The following ATP2B4 variants were observed in gnomAD, a reference collection of about 807,000 sequenced individuals.
ATP2B4 encodes ATPase plasma membrane Ca2+ transporting 4, also known as plasma membrane calcium-transporting ATPase 4.
A neutral mutation model predicts 110.3 loss-of-function variants in ATP2B4; 39 were observed. The observed-to-expected ratio is 0.35, with a 90% CI of 0.27 to 0.46. The LOEUF (loss-of-function observed/expected upper bound fraction) is 0.46, where lower values mean the gene tolerates loss of function less well. Ranked by LOEUF, ATP2B4 falls within the 20% of genes least tolerant of loss-of-function variation. The pLI is 1.00. For synonymous variants in ATP2B4, 538 were observed against 571.7 expected, an observed-to-expected ratio of 0.94 and a Z score of 0.84; for missense variants, 1,135 against 1,530.9, an observed-to-expected ratio of 0.74 and a Z score of 4.32.
chr1:203,657,660 T>G (rs190542489), intron 1 of ATP2B4: 21 of 797,852 alleles, frequency 2.6e-5, no homozygotes, highest in Middle Eastern at 7.1e-4. Context: ...AGCCTCTCGT[T>G]CATAAGCCTC....
intron 1 of ATP2B4, among the ~76,000 whole-genome samples, chr1:203,670,499 G>C (rs972574604): frequency 2.6e-5 from 4 of 152,314 alleles, no homozygotes; most frequent in East Asian, 3.9e-4. Flanking sequence ...TCTTAACCTA[G>C]GAAGAGAAGC....
At position 203,733,467 on chromosome 1, in the gene ATP2B4, T is replaced by C. The variant is rs1571780185; in HGVS notation, c.3309+5896T>C. The C allele has an allele frequency of 1.2e-5, 17 of 1,415,852 alleles. No homozygotes were observed. In the East Asian group the frequency reaches 4.3e-4, roughly 36 times the overall value. The allele number at this position is 1,415,852 out of a possible 1,614,324, so 87.7% of individuals were successfully genotyped here. On this transcript the variant is annotated intron_variant, in intron 20 of 20. Coordinates refer to ENST00000357681, the MANE Select transcript of ATP2B4 (RefSeq NM_001684.5). The stretch of plus-strand genomic sequence containing the variant: ...CCACAAGAGAGCACGTGGCATCCAC[T>C]TTAACCAACCATGGTTATCTTTTCC...
At position 203,699,675 on chromosome 1, in the gene ATP2B4, G is replaced by A; in HGVS notation, c.607G>A (p.Val203Met). Reference protein sequence around the residue: ...IRNGQLIQLPVAEIVVGDIAQ... With the variant: ...IRNGQLIQLPMAEIVVGDIAQ... ...AAACGGTCAACTCATCCAGCTCCCTGTGGCTGAGATTGTGGTTGGTGATAT... is the reference window on the plus strand; with the variant it reads ...AAACGGTCAACTCATCCAGCTCCCTATGGCTGAGATTGTGGTTGGTGATAT... Residue 203 changes from valine (V) to methionine (M), a missense_variant, in exon 4 of 21, where the codon GTG (valine) becomes ATG (methionine). Transcript: ENST00000357681. The A allele has an allele frequency of 1.2e-6, 2 of 1,614,170 alleles. No homozygotes were observed. Among genetic ancestry groups the A allele is most frequent in the Non-Finnish European group, 1.7e-6 (2 of 1,180,044 alleles).
intron 19 of ATP2B4, 48 bp downstream of exon 19, chr1:203,724,036 TC>T: frequency 1.9e-5 from 28 of 1,496,184 alleles, no homozygotes; most frequent in Non-Finnish European, 2.6e-5. Flanking sequence ...CCTGCAGAAC[TC>T]CCCTCCTCTA....
At chr1:203,666,090 C>A (rs1036198147) in intron 1 of ATP2B4, among the ~76,000 whole-genome samples, 1 of 152,222 alleles carries the variant, frequency 6.6e-6, no homozygotes, top group African/African-American at 2.4e-5. Context: ...GTGGAGCATA[C>A]GTGGTAATTA....
At chr1:203,639,050 C>T (rs556794737) in intron 1 of ATP2B4, among the ~76,000 whole-genome samples, 6 of 152,162 alleles carry the variant, frequency 3.9e-5, no homozygotes, top group South Asian at 2.1e-4. Context: ...CTCCTCCTGC[C>T]GGGGTATTCT....
Position 203,712,061 on chromosome 1 carries a change from C to A in ATP2B4, c.2133C>A (p.Gly711=), listed in dbSNP as rs373406101. 3.7e-5 allele frequency: 60 copies of A among 1,614,070 alleles called. No individual in the cohort carries two copies. Among genetic ancestry groups the A allele is most frequent in the Non-Finnish European group, 5.1e-5 (60 of 1,180,016 alleles). Residue 711 remains glycine (G), a synonymous_variant, in exon 13 of 21, where the codon GGC becomes GGA. Coordinates refer to ENST00000357681, the MANE Select transcript of ATP2B4 (RefSeq NM_001684.5). ...CCCGGGCCATTGCCACCAAATGTGG[C>A]ATTCTGACACCTGGGGATGACTTCC... ...NTARAIATKC[G]ILTPGDDFLC... is the part of the protein sequence containing the mutation.
chr1:203,656,092 G>T (rs1311856000), intron 1 of ATP2B4, among the ~76,000 whole-genome samples: 1 of 149,174 alleles, frequency 6.7e-6, no homozygotes, highest in Non-Finnish European at 1.5e-5. Flanking sequence ...GGTGATTATA[G>T]ATTAATATAA....
At chr1:203,648,271 TAAAGA>T (rs1663868668) in intron 1 of ATP2B4, among the ~76,000 whole-genome samples, 1 of 151,868 alleles carries the variant, frequency 6.6e-6, no homozygotes, top group African/African-American at 2.4e-5. Context: ...GCTATATTTT[TAAAGA>T]AAAGAAGTGT....
chr1:203,665,091 T>A (rs1282927069), intron 1 of ATP2B4, among the ~76,000 whole-genome samples: 1 of 152,132 alleles, frequency 6.6e-6, no homozygotes, highest in Non-Finnish European at 1.5e-5. Flanking sequence ...AGTGCTGGGA[T>A]TACAGGCGTG....
chr1:203,730,886 G>T (rs531538480), intron 20 of ATP2B4, among the ~76,000 whole-genome samples: 1 of 152,210 alleles, frequency 6.6e-6, no homozygotes, highest in Non-Finnish European at 1.5e-5. Context: ...TGAGGCTAAT[G>T]ATGCTAACGT....
rs1462568286 is a variant in ATP2B4, at chr1:203,720,696, G to T, written c.2554G>T (p.Val852Leu). 30 of 1,613,912 alleles carry T rather than the reference G, an allele frequency of 1.9e-5. No individual in the cohort carries two copies. Among genetic ancestry groups the T allele is most frequent in the Non-Finnish European group, 2.5e-5 (30 of 1,179,906 alleles). Residue 852 changes from valine (V) to leucine (L), a missense_variant, in exon 16 of 21, where the codon GTG (valine) becomes TTG (leucine). Val to Leu is a conservative substitution (Grantham distance 32). Around this residue, in one of 9 missense-constraint regions of ATP2B4, gnomAD observed 70 missense variants for 142.4 expected, o/e 0.49. Coordinates refer to ENST00000357681, the MANE Select transcript of ATP2B4 (RefSeq NM_001684.5). ...KFLQFQLTVN[V>L]VAVIVAFTGA... ...CCTGCAGTTCCAGCTCACTGTCAAT[G>T]TGGTGGCCGTGATTGTAGCCTTCAC...
intron 1 of ATP2B4, among the ~76,000 whole-genome samples, chr1:203,681,529 G>A (rs1472353415): frequency 6.6e-6 from 1 of 152,070 alleles, no homozygotes; most frequent in Non-Finnish European, 1.5e-5. Flanking sequence ...TGTGCTAAGA[G>A]TCCCTTCACA....
chr1:203,695,403 A>G (rs1051160272), intron 2 of ATP2B4, among the ~76,000 whole-genome samples: 1 of 151,836 alleles, frequency 6.6e-6, no homozygotes, highest in Admixed American at 6.6e-5. Flanking sequence ...TTTCCCTCCT[A>G]CTGGGAACCT....
chr1:203,709,591 A>T, intron 11 of ATP2B4, 49 bp downstream of exon 11: 1 of 1,610,376 alleles, frequency 6.2e-7, no homozygotes, highest in South Asian at 1.1e-5. Flanking sequence ...TCTCCTCAGG[A>T]AGGCATGGGT....
intron 1 of ATP2B4, chr1:203,657,762 G>A: frequency 4.5e-6 from 3 of 666,956 alleles, no homozygotes; most frequent in South Asian, 1.8e-5. Flanking sequence ...CTGTGGCATG[G>A]TGACAGGCGC....
chr1:203,739,655 A>T lies in ATP2B4; in HGVS notation c.3419A>T (p.Glu1140Val), dbSNP rs200309965. Reference sequence around the variant, plus strand: ...ACCCACCCTGAATTCGCCATAGAGGAGGAGTTGCCACGAACACCACTCCTG... The same window carrying T: ...ACCCACCCTGAATTCGCCATAGAGGTGGAGTTGCCACGAACACCACTCCTG... The part of the protein sequence containing the change: ...FMTHPEFAIE[E>V]ELPRTPLLDE... The change falls in exon 21 of 21, where the codon GAG becomes GTG. Residue 1140 changes from glutamate to valine, a missense_variant. By Grantham distance (121) the Glu-to-Val change is moderately radical. Around this residue, in one of 9 missense-constraint regions of ATP2B4, gnomAD observed 92 missense variants for 82.5 expected, o/e 1.11. Transcript: ENST00000357681. 1.2e-4 allele frequency: 187 copies of T among 1,614,048 alleles called. No homozygotes were observed. The highest frequency in any genetic ancestry group is 1.5e-5 in the Non-Finnish European group (18 of 1,180,024).
chr1:203,656,713 C>T (rs1468469224), intron 1 of ATP2B4, among the ~76,000 whole-genome samples: 5 of 152,168 alleles, frequency 3.3e-5, no homozygotes, highest in African/African-American at 4.8e-5. Context: ...TTGCTGAATA[C>T]CCACGCATAA....
chr1:203,704,732 C>T (rs1571743126), intron 8 of ATP2B4, among the ~76,000 whole-genome samples: 1 of 152,016 alleles, frequency 6.6e-6, no homozygotes, highest in Non-Finnish European at 1.5e-5. Flanking sequence ...CCGCCCACCT[C>T]GGCCTCTCAA....
Sources: gnomAD v4.1 joint callset for allele counts (sites outside exome capture counted in the v4.1 genomes callset) on GRCh38, gnomAD v4.1.1 for gene constraint, gnomAD v4.1.1 regional missense constraint, MANE v1.5 for transcripts, NCBI Gene and HGNC (gene_info 2026-07-23, HGNC 2026-07-21) for gene names.